Variants in ADGRL3 observed in about 807,000 individuals in gnomAD.
ADGRL3 encodes the protein calcium-independent alpha-latrotoxin receptor 3.
ADGRL3 carries 62 observed loss-of-function variants against 153.5 expected under a neutral mutation model. The observed-to-expected ratio is 0.40, with a 90% CI of 0.33 to 0.50. ADGRL3 has a LOEUF of 0.50. Ranked by LOEUF, ADGRL3 falls within the 20% of genes least tolerant of loss-of-function variation. The pLI, the probability that ADGRL3 is intolerant of heterozygous loss-of-function variation, is 0.47. For synonymous variants in ADGRL3, 710 were observed against 672.5 expected (o/e 1.06, Z -0.86); for missense variants, 1,641 against 1,859.4 (o/e 0.88, Z 2.16).
chr4:61,220,101 A>G (rs1252997959), intron 1 of ADGRL3, among the ~76,000 whole-genome samples: 4 of 123,108 alleles, frequency 3.2e-5, no homozygotes, highest in Non-Finnish European at 3.4e-5. Flanking sequence ...GACAAGAGCA[A>G]AAATCTGTCT....
intron 15 of ADGRL3, among the ~76,000 whole-genome samples, chr4:61,945,995 T>A (rs867988969): frequency 5.3e-4 from 81 of 152,348 alleles, no homozygotes; most frequent in African/African-American, 1.9e-3. Flanking sequence ...TGCCATAATT[T>A]ATTTATTCTC....
chr4:61,849,603 T>G (rs1379224293), intron 9 of ADGRL3, among the ~76,000 whole-genome samples: 1 of 152,126 alleles, frequency 6.6e-6, no homozygotes, highest in Non-Finnish European at 1.5e-5. Context: ...GCAGCATTTT[T>G]GGGACTGTAA....
intron 9 of ADGRL3, among the ~76,000 whole-genome samples, chr4:61,838,653 T>C (rs1324060534): frequency 2.0e-5 from 3 of 152,184 alleles, no homozygotes; most frequent in African/African-American, 4.8e-5. Context: ...TAACCAACTC[T>C]ATTATATTAA....
intron 8 of ADGRL3, among the ~76,000 whole-genome samples, chr4:61,779,917 C>G (rs1418211704): frequency 1.3e-5 from 2 of 152,052 alleles, no homozygotes; most frequent in Admixed American, 1.3e-4. Flanking sequence ...TCTGTCTCTC[C>G]CACATCCCAT....
chr4:61,795,866 A>G (rs530959459), intron 8 of ADGRL3, among the ~76,000 whole-genome samples: 129 of 152,262 alleles, frequency 8.5e-4, no homozygotes, highest in South Asian at 1.9e-3. Flanking sequence ...TTCTGGAGAC[A>G]GAGTCTAGCT....
In ADGRL3 at chr4:61,266,631, C is replaced by T. The variant is rs1381478759; in HGVS notation, c.-240+64866C>T. On this transcript the variant is annotated intron_variant, in intron 1 of 26. Coordinates refer to ENST00000683033, the MANE Select transcript of ADGRL3 (RefSeq NM_001387552.1). Reference sequence around the variant, plus strand: ...TTTACAGACTAATATAAAAACATAGCGATACAAATTTAATGACATAATTCT... The same window carrying T: ...TTTACAGACTAATATAAAAACATAGTGATACAAATTTAATGACATAATTCT... Among the ~76,000 whole-genome samples the T allele has an allele frequency of 4.6e-5, 7 of 151,592 alleles. No homozygotes were observed. In the East Asian group the frequency reaches 5.8e-4, roughly 13 times the overall value.
chr4:61,568,340 T>G (rs2098824793), intron 4 of ADGRL3, among the ~76,000 whole-genome samples: 1 of 152,156 alleles, frequency 6.6e-6, no homozygotes, highest in African/African-American at 2.4e-5. Flanking sequence ...CTCTTCTCAT[T>G]TTCTTCAAAT....
chr4:61,337,229 G>A (rs2095697708), intron 1 of ADGRL3, among the ~76,000 whole-genome samples: 1 of 152,126 alleles, frequency 6.6e-6, no homozygotes, highest in Admixed American at 6.6e-5. Flanking sequence ...TGACCCCTTT[G>A]TGGGTACCTT....
chr4:61,754,698 CATGTTGGTGCGCTGCACCCATTAACT>C (rs932258806), intron 8 of ADGRL3, among the ~76,000 whole-genome samples: 1 of 152,032 alleles, frequency 6.6e-6, no homozygotes, highest in African/African-American at 2.4e-5. Flanking sequence ...ATACATGTGC[CATGTTGGTGCGCTGCACCCATTAACT>C]CCTCATTTAA....
At chr4:62,063,433 T>C in intron 25 of ADGRL3, 1 of 607,064 alleles carries the variant, frequency 1.6e-6, no homozygotes. Flanking sequence ...ATGTTTCCTT[T>C]CTTTTTTTCA....
intron 8 of ADGRL3, among the ~76,000 whole-genome samples, chr4:61,744,156 G>T (rs1240654926): frequency 6.6e-6 from 1 of 152,116 alleles, no homozygotes; most frequent in Non-Finnish European, 1.5e-5. Context: ...AGCGAGGCTG[G>T]GGGAGGGGCA....
chr4:61,837,565 A>C (rs1192242537), intron 9 of ADGRL3, among the ~76,000 whole-genome samples: 1 of 152,104 alleles, frequency 6.6e-6, no homozygotes, highest in Non-Finnish European at 1.5e-5. Flanking sequence ...AATTTTCCAA[A>C]GGGGACTCAG....
intron 9 of ADGRL3, among the ~76,000 whole-genome samples, chr4:61,844,575 AATATATAT>A (rs57750929): frequency 0.011 from 193 of 18,078 alleles, 1 homozygote; most frequent in Middle Eastern, 0.12. Context: ...AAAAAAAAAA[AATATATAT>A]ATATATATAT....
intron 4 of ADGRL3, among the ~76,000 whole-genome samples, chr4:61,559,975 C>T (rs1579532383): frequency 6.6e-6 from 1 of 152,006 alleles, no homozygotes; most frequent in South Asian, 2.1e-4. Flanking sequence ...TCTCTTTGAT[C>T]CTTAACCATC....
chr4:61,765,170 G>A (rs1239782198), intron 8 of ADGRL3, among the ~76,000 whole-genome samples: 1 of 151,994 alleles, frequency 6.6e-6, no homozygotes, highest in Non-Finnish European at 1.5e-5. Context: ...TGGAAAAACA[G>A]TGTAAACCAG....
At chr4:61,847,880 TATAATATAAAATATATTATATATA>T in intron 9 of ADGRL3, among the ~76,000 whole-genome samples, 1 of 21,128 alleles carries the variant, frequency 4.7e-5, no homozygotes, top group African/African-American at 1.3e-4. Context: ...ATATATTATA[TATAATATAAAATATATTATATATA>T]ATATAAAATA....
Position 62,070,681 on chromosome 4 carries a change from A to G in ADGRL3, c.4405A>G (p.Thr1469Ala). 6.4e-7 allele frequency: 1 copy of G among 1,551,538 alleles called. No individual in the cohort carries two copies. Among genetic ancestry groups the G allele is most frequent in the African/African-American group, 1.4e-5 (1 of 73,128 alleles). ...LAGVAATESV[T>A]TSTQTEPPPA... The stretch of plus-strand genomic sequence containing the variant: ...TGGTGTGGCCGCCACAGAGAGTGTT[A>G]CCACCAGCACCCAGACCGAACCCCC... Residue 1469 changes from threonine to alanine, a missense_variant, in exon 27 of 27, where the codon ACC becomes GCC. This residue lies in a region of ADGRL3 where 517 missense variants were observed against 555.0 expected (regional missense o/e 0.93). Coordinates refer to ENST00000683033, the MANE Select transcript of ADGRL3 (RefSeq NM_001387552.1).
chr4:61,777,004 A>G (rs566076984), intron 8 of ADGRL3, among the ~76,000 whole-genome samples: 1 of 152,314 alleles, frequency 6.6e-6, no homozygotes, highest in Non-Finnish European at 1.5e-5. Context: ...ATGATTTGGA[A>G]TTTAGATCTT....
At position 62,074,039 on chromosome 4, in the gene ADGRL3, T is replaced by C. The variant is rs1054592076; in HGVS notation, c.*3131T>C. ...GAATTCCTGAACTTGAATCTTTTTC[T>C]TCATATACATTTTCTTATAGAGCTA... On this transcript the variant is annotated 3_prime_UTR_variant, in exon 27 of 27. Transcript: ENST00000683033. 6.6e-6 allele frequency: 1 copy of C among 152,192 alleles called. No individual in the cohort carries two copies. Among genetic ancestry groups the C allele is most frequent in the African/African-American group, 2.4e-5 (1 of 41,468 alleles). 9.4% of individuals were successfully genotyped at this position (152,192 alleles called of 1,614,324 possible).
Sources: allele counts gnomAD v4.1 joint callset (sites outside exome capture counted in the v4.1 genomes callset), GRCh38; gene constraint gnomAD v4.1.1; regional missense constraint gnomAD v4.1.1; transcripts MANE v1.5; gene names NCBI Gene and HGNC (gene_info 2026-07-23, HGNC 2026-07-21).